FGF12: variants seen among roughly 807,000 people sequenced by gnomAD.
FGF12 encodes fibroblast growth factor 12B.
In FGF12, 14 loss-of-function variants were observed where a neutral mutation model predicts 23.6. The ratio of observed to expected loss-of-function variants is 0.59; its 90% CI spans 0.39 to 0.93. The LOEUF (loss-of-function observed/expected upper bound fraction) is 0.93. Ranked by LOEUF, FGF12 falls within the 40% of genes least tolerant of loss-of-function variation. The pLI, the probability that FGF12 is intolerant of heterozygous loss-of-function variation, is 0.00. For missense variants in FGF12, 175 were observed against 217.8 expected (o/e 0.80, Z 1.24); for synonymous variants, 62 against 77.3 (o/e 0.80, Z 1.04).
chr3:192,617,763 T>G (rs563147157), intron 2 of FGF12, among the ~76,000 whole-genome samples: 1 of 151,996 alleles, frequency 6.6e-6, no homozygotes, highest in Non-Finnish European at 1.5e-5. Context: ...TAGTAGAGAT[T>G]ATTGAGATGA....
intron 4 of FGF12, among the ~76,000 whole-genome samples, chr3:192,201,113 C>T (rs140465665): frequency 4.7e-4 from 72 of 152,266 alleles, no homozygotes; most frequent in African/African-American, 1.6e-3. Context: ...ACTAAGTTAG[C>T]TGGTTAACAC....
intron 2 of FGF12, among the ~76,000 whole-genome samples, chr3:192,522,115 G>A (rs1457647981): frequency 6.6e-6 from 1 of 151,330 alleles, no homozygotes; most frequent in Non-Finnish European, 1.5e-5. Flanking sequence ...GGAGAATGGC[G>A]TGAACCCGGG....
intron 4 of FGF12, among the ~76,000 whole-genome samples, chr3:192,319,919 G>T (rs1374612063): frequency 1.3e-5 from 2 of 151,640 alleles, no homozygotes; most frequent in African/African-American, 4.8e-5. Context: ...AGAAAGATAA[G>T]AAAGAAGGAA....
chr3:192,183,068 T>C (rs11922209), intron 4 of FGF12, among the ~76,000 whole-genome samples: 125 of 152,272 alleles, frequency 8.2e-4, no homozygotes, highest in Middle Eastern at 3.4e-3. Flanking sequence ...GGAGAGACTA[T>C]AATGGTCAAT....
At position 192,317,455 on chromosome 3, in the gene FGF12, G is replaced by A. The variant is rs1357547972; in HGVS notation, c.228+17906C>T. Among the ~76,000 whole-genome samples the A allele has an allele frequency of 3.3e-5, 5 of 152,092 alleles. No individual in the cohort carries two copies. The South Asian group carries it at 1.0e-3, about 32-fold the overall frequency. ...TGGCAGTAGCCAGGCAATGTGTGCT[G>A]TGGGCCAGGGATGGTAGTGGCCACA... is the stretch of plus-strand genomic sequence containing the variant. On this transcript the variant is annotated intron_variant, in intron 4 of 5. Transcript: ENST00000445105.
intron 2 of FGF12, among the ~76,000 whole-genome samples, chr3:192,366,335 C>G (rs1416498750): frequency 3.9e-5 from 6 of 152,032 alleles, no homozygotes; most frequent in Admixed American, 2.6e-4. Flanking sequence ...TTCACATATA[C>G]CCAAACTTTA....
chr3:192,223,031 A>G (rs1006871962), intron 4 of FGF12, among the ~76,000 whole-genome samples: 18 of 152,194 alleles, frequency 1.2e-4, no homozygotes, highest in African/African-American at 4.3e-4. Context: ...AAGGTTAGAT[A>G]TAACTTAGTA....
chr3:192,563,616 A>G (rs1712141640), intron 2 of FGF12, among the ~76,000 whole-genome samples: 1 of 152,246 alleles, frequency 6.6e-6, no homozygotes, highest in Non-Finnish European at 1.5e-5. Context: ...ACACAATTAC[A>G]TAGTGCTTTG....
intron 4 of FGF12, among the ~76,000 whole-genome samples, chr3:192,227,580 T>TAA (rs778525112): frequency 6.3e-4 from 38 of 60,270 alleles, no homozygotes; most frequent in Admixed American, 7.3e-4. Context: ...GAACTTAAAG[T>TAA]AAAAAAAAAA....
chr3:192,598,238 C>T (rs763491839), intron 2 of FGF12, among the ~76,000 whole-genome samples: 5 of 152,144 alleles, frequency 3.3e-5, no homozygotes, highest in African/African-American at 9.7e-5. Flanking sequence ...CAAATGCCCA[C>T]GCCACCAGTG....
chr3:192,673,440 A>G (rs1717206095), intron 2 of FGF12, among the ~76,000 whole-genome samples: 2 of 150,370 alleles, frequency 1.3e-5, no homozygotes, highest in Admixed American at 6.7e-5. Flanking sequence ...GGTTGGTTAC[A>G]TAGGTAAACG....
At chr3:192,603,528 G>T (rs4521170) in intron 2 of FGF12, among the ~76,000 whole-genome samples, 1 of 151,904 alleles carries the variant, frequency 6.6e-6, no homozygotes, top group Non-Finnish European at 1.5e-5. Flanking sequence ...ATAAGTGTTG[G>T]CCGGCTGAGA....
At chr3:192,506,098 C>A (rs1275318669) in intron 2 of FGF12, among the ~76,000 whole-genome samples, 1 of 152,196 alleles carries the variant, frequency 6.6e-6, no homozygotes, top group African/African-American at 2.4e-5. Context: ...TAGGAAGGCA[C>A]TCAAGTGCAT....
chr3:192,297,153 T>A (rs1267881768), intron 4 of FGF12, among the ~76,000 whole-genome samples: 1 of 152,124 alleles, frequency 6.6e-6, no homozygotes, highest in Non-Finnish European at 1.5e-5. Context: ...CTCAAAAAAA[T>A]AATAATAAGA....
At chr3:192,387,408 G>T (rs1425715577) in intron 2 of FGF12, among the ~76,000 whole-genome samples, 1 of 152,130 alleles carries the variant, frequency 6.6e-6, no homozygotes, top group Admixed American at 6.5e-5. Flanking sequence ...TATTTTTTAA[G>T]TTGGGAGAAA....
At chr3:192,359,778 C>T (rs1718635929) in intron 3 of FGF12, among the ~76,000 whole-genome samples, 1 of 151,064 alleles carries the variant, frequency 6.6e-6, no homozygotes, top group Admixed American at 6.6e-5. Flanking sequence ...CTTTGAATGC[C>T]CAGCATTTTT....
chr3:192,339,196 A>G (rs1717567688), intron 3 of FGF12, among the ~76,000 whole-genome samples: 2 of 152,200 alleles, frequency 1.3e-5, no homozygotes. Flanking sequence ...TTCTCTGGAA[A>G]GGTCCTCATC....
At chr3:192,284,296 C>A (rs997793054) in intron 4 of FGF12, among the ~76,000 whole-genome samples, 1 of 152,052 alleles carries the variant, frequency 6.6e-6, no homozygotes, top group Non-Finnish European at 1.5e-5. Context: ...CACAGGGCAC[C>A]CTGCCCATTG....
chr3:192,683,125 C>T (rs6799956), intron 2 of FGF12, among the ~76,000 whole-genome samples: 61,221 of 151,994 alleles, frequency 0.4, 12,686 homozygotes, highest in East Asian at 0.62. Context: ...AATTATCTAA[C>T]CTGAGAGGGT....
Sources: gnomAD v4.1 joint callset for allele counts (sites outside exome capture counted in the v4.1 genomes callset) on GRCh38, gnomAD v4.1.1 for gene constraint, MANE v1.5 for transcripts, NCBI Gene and HGNC (gene_info 2026-07-23, HGNC 2026-07-21) for gene names.